Variants in CDH13 observed in about 807,000 individuals in gnomAD.
CDH13 encodes cadherin 13, also known as cadherin-13.
Under a neutral mutation model 63.8 loss-of-function variants are expected in CDH13, and 24 were observed. The observed-to-expected ratio is 0.38, with a 90% CI of 0.27 to 0.53. CDH13 has a LOEUF of 0.53. Ranked by LOEUF, CDH13 falls within the 20% of genes least tolerant of loss-of-function variation. The probability of loss-of-function intolerance (pLI) is 0.85; values close to 1 mark genes in which losing one functional copy is unlikely to be tolerated. For synonymous variants in CDH13, 503 were observed against 355.3 expected (o/e 1.42, Z -4.67); for missense variants, 1,049 against 903.1 (o/e 1.16, Z -2.07).
intron 8 of CDH13, among the ~76,000 whole-genome samples, chr16:83,613,599 G>C (rs12600057): frequency 0.2 from 29,719 of 152,038 alleles, 3,038 homozygotes; most frequent in East Asian, 0.24. Flanking sequence ...TTGGGAGACC[G>C]GTGGGCAGAT....
intron 1 of CDH13, among the ~76,000 whole-genome samples, chr16:82,771,151 A>G (rs534890145): frequency 1.3e-5 from 2 of 152,336 alleles, no homozygotes; most frequent in Admixed American, 6.5e-5. Context: ...ATTTTTAACA[A>G]TGCATAACTT....
At chr16:82,973,916 G>A (rs1909131663) in intron 2 of CDH13, among the ~76,000 whole-genome samples, 1 of 151,974 alleles carries the variant, frequency 6.6e-6, no homozygotes, top group Admixed American at 6.6e-5. Flanking sequence ...CCCTCTCTAA[G>A]CATTTTTGGT....
intron 2 of CDH13, among the ~76,000 whole-genome samples, chr16:82,917,414 G>C (rs542947192): frequency 6.6e-6 from 1 of 152,132 alleles, no homozygotes; most frequent in Non-Finnish European, 1.5e-5. Flanking sequence ...AGAAATGAAA[G>C]AAAGAAAGAT....
intron 11 of CDH13, among the ~76,000 whole-genome samples, chr16:83,766,237 A>G (rs1164810613): frequency 6.6e-6 from 1 of 152,184 alleles, no homozygotes; most frequent in Non-Finnish European, 1.5e-5. Context: ...TTGAATTTAG[A>G]CAGAGCCACT....
intron 1 of CDH13, among the ~76,000 whole-genome samples, chr16:82,793,069 A>G (rs137941306): frequency 6.6e-6 from 1 of 152,328 alleles, no homozygotes; most frequent in East Asian, 1.9e-4. Flanking sequence ...ACAGATGGCT[A>G]AGTTAAATGC....
chr16:83,294,399 C>T lies in CDH13; in HGVS notation c.637-50463C>T, dbSNP rs572369797. On this transcript the variant is annotated intron_variant, in intron 5 of 13. Coordinates refer to ENST00000567109, the MANE Select transcript of CDH13 (RefSeq NM_001257.5). ...CATCTCCCTAACAACTCCCAATTCCCTGCAACCACCCCAGCCCCTGGCAAC... is the reference window on the plus strand; with the variant it reads ...CATCTCCCTAACAACTCCCAATTCCTTGCAACCACCCCAGCCCCTGGCAAC... Among the ~76,000 whole-genome samples, 3 of 152,214 alleles carry T rather than the reference C, an allele frequency of 2.0e-5. No individual in the cohort carries two copies. In the South Asian group the frequency reaches 6.2e-4, roughly 32 times the overall value.
chr16:83,742,546 AG>A (rs1176257128), intron 10 of CDH13, among the ~76,000 whole-genome samples: 2 of 152,336 alleles, frequency 1.3e-5, no homozygotes, highest in African/African-American at 4.8e-5. Context: ...CTTGCACGCT[AG>A]TATTTTTACA....
chr16:83,017,925 A>G (rs905996155), intron 2 of CDH13, among the ~76,000 whole-genome samples: 3 of 152,226 alleles, frequency 2.0e-5, no homozygotes, highest in African/African-American at 7.2e-5. Flanking sequence ...GCAGTAGTCA[A>G]TTTATCCATT....
At chr16:83,276,765 G>A (rs1009097725) in intron 5 of CDH13, among the ~76,000 whole-genome samples, 1 of 152,132 alleles carries the variant, frequency 6.6e-6, no homozygotes, top group Admixed American at 6.5e-5. Flanking sequence ...CAGCTACTCG[G>A]GAGGCTGAGG....
intron 7 of CDH13, among the ~76,000 whole-genome samples, chr16:83,583,010 A>C (rs530825330): frequency 4.1e-4 from 62 of 152,198 alleles, no homozygotes; most frequent in Admixed American, 7.2e-4. Context: ...AGAGCCCTGA[A>C]GTCCAAAATC....
chr16:83,692,411 C>T (rs910785810), intron 10 of CDH13, among the ~76,000 whole-genome samples: 4 of 152,276 alleles, frequency 2.6e-5, no homozygotes, highest in Middle Eastern at 3.4e-3. Flanking sequence ...CTCTTCCTGC[C>T]ATCATCTGAT....
At chr16:83,419,137 G>T (rs973021883) in intron 6 of CDH13, among the ~76,000 whole-genome samples, 1 of 152,094 alleles carries the variant, frequency 6.6e-6, no homozygotes, top group Admixed American at 6.5e-5. Flanking sequence ...CTGTCGTTTT[G>T]TGATGCTGCT....
chr16:82,732,435 C>G (rs2033452787), intron 1 of CDH13, among the ~76,000 whole-genome samples: 1 of 152,200 alleles, frequency 6.6e-6, no homozygotes, highest in Admixed American at 6.5e-5. Context: ...TCAATGCCCA[C>G]TTTCTCCAGG....
chr16:83,040,708 A>G (rs1264177683), intron 3 of CDH13, among the ~76,000 whole-genome samples: 4 of 152,178 alleles, frequency 2.6e-5, no homozygotes, highest in African/African-American at 9.7e-5. Flanking sequence ...TCACAGAAAC[A>G]CCGGGGAACA....
At chr16:83,225,308 G>T (rs2039807967) in intron 5 of CDH13, among the ~76,000 whole-genome samples, 2 of 152,160 alleles carry the variant, frequency 1.3e-5, no homozygotes, top group African/African-American at 4.8e-5. Context: ...CCTCAACTGT[G>T]CTTATTTCTC....
chr16:82,984,118 A>G (rs1365631510), intron 2 of CDH13, among the ~76,000 whole-genome samples: 1 of 152,202 alleles, frequency 6.6e-6, no homozygotes, highest in African/African-American at 2.4e-5. Flanking sequence ...GAGGCCATTA[A>G]ACACACCCCA....
chr16:83,712,172 A>G (rs1908162113), intron 10 of CDH13, among the ~76,000 whole-genome samples: 1 of 152,236 alleles, frequency 6.6e-6, no homozygotes, highest in Non-Finnish European at 1.5e-5. Flanking sequence ...AGATTAGGAC[A>G]TCCACATATA....
chr16:82,924,087 C>G (rs1354605980), intron 2 of CDH13, among the ~76,000 whole-genome samples: 1 of 152,196 alleles, frequency 6.6e-6, no homozygotes, highest in African/African-American at 2.4e-5. Flanking sequence ...GGAGATTACC[C>G]AATTAAATAA....
chr16:82,670,758 CATCA>C (rs1017182646), intron 1 of CDH13, among the ~76,000 whole-genome samples: 1 of 152,172 alleles, frequency 6.6e-6, no homozygotes, highest in Non-Finnish European at 1.5e-5. Flanking sequence ...AGTCATTTGT[CATCA>C]ACGAGCAATT....
Sources: allele counts gnomAD v4.1 joint callset (sites outside exome capture counted in the v4.1 genomes callset), GRCh38; gene constraint gnomAD v4.1.1; transcripts MANE v1.5; gene names NCBI Gene and HGNC (gene_info 2026-07-23, HGNC 2026-07-21).